DMD: variants seen among roughly 807,000 people sequenced by gnomAD.
DMD encodes mutant dystrophin.
Under a neutral mutation model 330.1 loss-of-function variants are expected in DMD, and 63 were observed. That is an observed-to-expected ratio of 0.19 (90% CI 0.16 to 0.24). The LOEUF (loss-of-function observed/expected upper bound fraction) is 0.24, where lower values mean the gene tolerates loss of function less well. Ranked by LOEUF, DMD falls within the 10% of genes least tolerant of loss-of-function variation. DMD has a pLI of 1.00. For synonymous variants in DMD, 1,223 were observed against 959.8 expected, an observed-to-expected ratio of 1.27 and a Z score of -5.07; for missense variants, 3,344 against 2,684.1, an observed-to-expected ratio of 1.25 and a Z score of -5.43.
intron 44 of DMD, among the ~76,000 whole-genome samples, chrX:32,024,812 C>T (rs2095835454): frequency 8.9e-6 from 1 of 111,823 alleles, no homozygotes; most frequent in Non-Finnish European, 1.9e-5. Flanking sequence ...TTATCATCAT[C>T]GCCATCATCA....
At chrX:33,010,389 A>T (rs771169179) in intron 2 of DMD, among the ~76,000 whole-genome samples, 116 of 107,962 alleles carry the variant, frequency 1.1e-3, no homozygotes, top group African/African-American at 3.5e-3. Flanking sequence ...CACATTTTTT[A>T]AAAAATAGGT....
At chrX:31,351,746 C>CAAAAAAAAAAAAAAAAAAA (rs1300313892) in intron 60 of DMD, among the ~76,000 whole-genome samples, 7 of 71,542 alleles carry the variant, frequency 9.8e-5, no homozygotes, top group African/African-American at 3.4e-4. Context: ...AAAAAAAAAG[C>CAAAAAAAAAAAAAAAAAAA]AAAAAAGGAG....
At chrX:33,082,637 CT>C (rs2094946887) in intron 1 of DMD, among the ~76,000 whole-genome samples, 1 of 112,305 alleles carries the variant, frequency 8.9e-6, no homozygotes, top group Non-Finnish European at 1.9e-5. Context: ...GCTTGCAAGG[CT>C]TTTAACTGCT....
chrX:32,660,735 T>G (rs1434186714), intron 9 of DMD, among the ~76,000 whole-genome samples: 1 of 111,554 alleles, frequency 9.0e-6, no homozygotes, highest in African/African-American at 3.2e-5. Context: ...CTTGCCAACC[T>G]GAAAATGTTC....
At chrX:31,880,107 A>G (rs2094035410) in intron 47 of DMD, among the ~76,000 whole-genome samples, 1 of 111,921 alleles carries the variant, frequency 8.9e-6, no homozygotes, top group African/African-American at 3.2e-5. Context: ...ATATGTTTTA[A>G]TATTAAGATA....
chrX:31,419,602 T>C (rs1271671773), intron 60 of DMD, among the ~76,000 whole-genome samples: 2 of 111,792 alleles, frequency 1.8e-5, no homozygotes, highest in African/African-American at 6.5e-5. Context: ...AGATCTGTAT[T>C]CTAGGGCTTT....
chrX:32,335,507 TATAAC>T (rs1232234617), intron 41 of DMD, among the ~76,000 whole-genome samples: 2 of 63,709 alleles, frequency 3.1e-5, no homozygotes, highest in Non-Finnish European at 7.1e-5. Context: ...ATGTTATATA[TATAAC>T]ATGTGTATGT....
intron 44 of DMD, among the ~76,000 whole-genome samples, chrX:32,004,772 C>T (rs1307687937): frequency 9.0e-6 from 1 of 111,182 alleles, no homozygotes; most frequent in East Asian, 2.8e-4. Context: ...AGAAAGAGTG[C>T]TCCAAATCTT....
At chrX:31,374,250 G>A (rs1286989793) in intron 60 of DMD, among the ~76,000 whole-genome samples, 1 of 91,363 alleles carries the variant, frequency 1.1e-5, no homozygotes, top group African/African-American at 4.3e-5. Flanking sequence ...CAACCATTGT[G>A]GAAGTCAGTG....
chrX:32,166,749 T>C (rs944691780), intron 44 of DMD, among the ~76,000 whole-genome samples: 1 of 111,423 alleles, frequency 9.0e-6, no homozygotes, highest in Non-Finnish European at 1.9e-5. Context: ...GGAACAGTCA[T>C]GCAGATTGGC....
At chrX:31,509,541 T>A (rs1455646458) in intron 55 of DMD, among the ~76,000 whole-genome samples, 1 of 111,915 alleles carries the variant, frequency 8.9e-6, no homozygotes, top group Non-Finnish European at 1.9e-5. Flanking sequence ...TACATTAACA[T>A]ACATATAAAG....
At chrX:32,490,188 T>C (rs2042861444) in intron 20 of DMD, among the ~76,000 whole-genome samples, 1 of 111,643 alleles carries the variant, frequency 9.0e-6, no homozygotes, top group Admixed American at 9.5e-5. Context: ...TGCAAATGAA[T>C]CTCCACTCCT....
intron 55 of DMD, among the ~76,000 whole-genome samples, chrX:31,569,594 ATAC>A (rs2075652651): frequency 9.8e-6 from 1 of 102,025 alleles, no homozygotes; most frequent in African/African-American, 3.5e-5. Flanking sequence ...AAATATATAT[ATAC>A]ACATATATGT....
chrX:32,723,925 G>A (rs2147939606), intron 7 of DMD, among the ~76,000 whole-genome samples: 1 of 110,965 alleles, frequency 9.0e-6, no homozygotes, highest in East Asian at 2.8e-4. Context: ...GAAAGTGGGT[G>A]AATTACAGTT....
intron 16 of DMD, among the ~76,000 whole-genome samples, chrX:32,548,701 ATAT>A (rs1157897425): frequency 8.9e-6 from 1 of 111,771 alleles, no homozygotes; most frequent in Non-Finnish European, 1.9e-5. Context: ...CTTCTATAAG[ATAT>A]TATCTGCAAA....
intron 2 of DMD, among the ~76,000 whole-genome samples, chrX:32,867,258 T>C (rs1390024113): frequency 8.9e-6 from 1 of 112,069 alleles, no homozygotes; most frequent in Non-Finnish European, 1.9e-5. Context: ...TCTTGTTTTC[T>C]TCATTATAAG....
At chrX:33,246,466 G>C (rs1415358955) in intron 1 of DMD, among the ~76,000 whole-genome samples, 1 of 111,321 alleles carries the variant, frequency 9.0e-6, no homozygotes, top group Non-Finnish European at 1.9e-5. Flanking sequence ...TGCTCCCCAA[G>C]AGTCTTTGAT....
intron 16 of DMD, among the ~76,000 whole-genome samples, chrX:32,557,460 C>A (rs1241788579): frequency 8.9e-6 from 1 of 112,026 alleles, no homozygotes; most frequent in African/African-American, 3.2e-5. Flanking sequence ...ATACACTACA[C>A]ACACACAATC....
At chrX:31,686,654 A>G (rs1295766433) in intron 52 of DMD, among the ~76,000 whole-genome samples, 1 of 112,454 alleles carries the variant, frequency 8.9e-6, no homozygotes, top group East Asian at 2.8e-4. Context: ...AAACTAATCA[A>G]TGACCTCTCT....
Sources: gnomAD v4.1 joint callset for allele counts (sites outside exome capture counted in the v4.1 genomes callset) on GRCh38, gnomAD v4.1.1 for gene constraint, MANE v1.5 for transcripts, NCBI Gene and HGNC (gene_info 2026-07-23, HGNC 2026-07-21) for gene names.